The following SLC4A4 variants were observed in gnomAD, a reference collection of about 807,000 sequenced individuals.
SLC4A4 encodes the protein solute carrier family 4 member 4.
Under a neutral mutation model 111.5 loss-of-function variants are expected in SLC4A4, and 27 were observed. The observed-to-expected ratio is 0.24, with a 90% CI of 0.18 to 0.33. SLC4A4 has a LOEUF of 0.33. SLC4A4 is among the 10% of genes least tolerant of loss of function. The pLI is 1.00. For missense variants in SLC4A4, 909 were observed against 1,315.5 expected (o/e 0.69, Z 4.78); for synonymous variants, 443 against 463.4 (o/e 0.96, Z 0.57).
chr4:71,268,964 A>G (rs904143171), intron 3 of SLC4A4, among the ~76,000 whole-genome samples: 2 of 152,240 alleles, frequency 1.3e-5, no homozygotes, highest in East Asian at 1.9e-4. Flanking sequence ...CCTTGATGCA[A>G]TCAGAACAAA....
chr4:71,310,036 T>A (rs1253967509), intron 3 of SLC4A4, among the ~76,000 whole-genome samples: 1 of 151,772 alleles, frequency 6.6e-6, no homozygotes, highest in Non-Finnish European at 1.5e-5. Flanking sequence ...TCGTGAAGCA[T>A]ATACAAGTAT....
At chr4:71,127,431 A>C (rs1040439419) in intron 2 of SLC4A4, among the ~76,000 whole-genome samples, 15 of 152,212 alleles carry the variant, frequency 9.9e-5, no homozygotes, top group African/African-American at 3.6e-4. Flanking sequence ...TTCCTTATTT[A>C]AAAGTGAACA....
At chr4:71,274,544 G>A (rs561241929) in intron 3 of SLC4A4, among the ~76,000 whole-genome samples, 12 of 152,220 alleles carry the variant, frequency 7.9e-5, no homozygotes, top group Non-Finnish European at 1.5e-4. Context: ...TAATTCAGTT[G>A]TCAGAAGTGC....
intron 2 of SLC4A4, among the ~76,000 whole-genome samples, chr4:71,093,886 T>C (rs1337822441): frequency 5.9e-5 from 9 of 152,168 alleles, no homozygotes; most frequent in Admixed American, 5.9e-4. Flanking sequence ...TGAGACACCA[T>C]TTGGGATTGT....
At chr4:71,181,154 G>GA (rs1745278955) in intron 2 of SLC4A4, among the ~76,000 whole-genome samples, 2 of 142,018 alleles carry the variant, frequency 1.4e-5, no homozygotes, top group South Asian at 4.4e-4. Context: ...TCATAGGTGG[G>GA]AATTGAACAA....
intron 14 of SLC4A4, among the ~76,000 whole-genome samples, chr4:71,478,273 A>G (rs1384078595): frequency 6.6e-6 from 1 of 151,964 alleles, no homozygotes; most frequent in African/African-American, 2.4e-5. Flanking sequence ...ATATACCCAA[A>G]GGATTATAAA....
chr4:71,474,714 A>G (rs5001313), intron 14 of SLC4A4, among the ~76,000 whole-genome samples: 20,276 of 151,844 alleles, frequency 0.13, 1,592 homozygotes, highest in African/African-American at 0.22. Flanking sequence ...TTTAAAAGCA[A>G]TGCAGAAAGT....
rs1261195456 is a variant in SLC4A4, at chr4:71,534,233, A to C, written c.2287A>C (p.Ser763Arg). ...LIVPSEFKPT[S>R]PNRGWFVPPF... ...GTCATCTGTCTTTTTCAAGCCAACA[A>C]GTCCAAACCGAGGTTGGTTCGTTCC... Residue 763 changes from serine to arginine, a missense_variant, in exon 18 of 26, where the codon AGT becomes CGT. Ser to Arg is a moderately radical substitution (Grantham distance 110). This residue lies in a region of SLC4A4 where 264 missense variants were observed against 356.8 expected (regional missense o/e 0.74). Coordinates refer to ENST00000264485, the MANE Select transcript of SLC4A4 (RefSeq NM_001098484.3). 4 of 1,613,518 alleles carry C rather than the reference A, an allele frequency of 2.5e-6. No homozygotes were observed. Among genetic ancestry groups the C allele is most frequent in the African/African-American group, 1.3e-5 (1 of 74,912 alleles).
At chr4:71,163,014 A>G (rs1744650701) in intron 2 of SLC4A4, among the ~76,000 whole-genome samples, 1 of 152,238 alleles carries the variant, frequency 6.6e-6, no homozygotes, top group South Asian at 2.1e-4. Context: ...GGAGCTAGAA[A>G]TCAGAATCAT....
intron 16 of SLC4A4, among the ~76,000 whole-genome samples, chr4:71,530,200 C>T (rs1262906991): frequency 3.3e-5 from 5 of 152,042 alleles, no homozygotes; most frequent in African/African-American, 1.2e-4. Context: ...GACAGTAGAT[C>T]ATTTAGTTAT....
At chr4:71,452,125 T>A (rs1725823737) in intron 11 of SLC4A4, among the ~76,000 whole-genome samples, 1 of 152,074 alleles carries the variant, frequency 6.6e-6, no homozygotes, top group South Asian at 2.1e-4. Flanking sequence ...AAAAGGTATG[T>A]CATTATAATA....
In SLC4A4 at chr4:71,532,136, C is replaced by T. The variant is rs145593845; in HGVS notation, c.2241C>T (p.Gly747=). Residue 747 remains glycine, a synonymous_variant, in exon 17 of 26, where the codon GGC becomes GGT. Transcript: ENST00000264485. ...TTTGTGTAATAGATGCCCTAGTAGG[C>T]GTGGACACCCCAAAACTAATTGTGC... ...LIFCVIDALV[G]VDTPKLIVPS... is the part of the protein sequence containing the mutation. The T allele has an allele frequency of 2.0e-5, 33 of 1,612,140 alleles. No individual in the cohort carries two copies. The highest frequency in any genetic ancestry group is 6.7e-5 in the Admixed American group (4 of 59,912).
intron 3 of SLC4A4, among the ~76,000 whole-genome samples, chr4:71,262,417 G>T (rs1241262666): frequency 6.6e-6 from 1 of 152,144 alleles, no homozygotes; most frequent in Non-Finnish European, 1.5e-5. Flanking sequence ...CTTTCCCATG[G>T]ATAGGAGTCT....
At chr4:71,248,918 C>T (rs1206615046) in intron 2 of SLC4A4, among the ~76,000 whole-genome samples, 1 of 152,156 alleles carries the variant, frequency 6.6e-6, no homozygotes, top group African/African-American at 2.4e-5. Context: ...AGCTAAAGGA[C>T]AGGAGTCTAG....
intron 3 of SLC4A4, among the ~76,000 whole-genome samples, chr4:71,282,485 G>A (rs537498689): frequency 1.1e-4 from 16 of 151,682 alleles, no homozygotes; most frequent in Non-Finnish European, 8.8e-5. Context: ...GGGTTTCTCC[G>A]TGTTGGTCAG....
chr4:71,280,562 G>A (rs976125376), intron 3 of SLC4A4, among the ~76,000 whole-genome samples: 2 of 152,138 alleles, frequency 1.3e-5, no homozygotes, highest in Non-Finnish European at 2.9e-5. Context: ...AGTTAATCTT[G>A]TGAGTGGTAT....
intron 16 of SLC4A4, among the ~76,000 whole-genome samples, chr4:71,528,842 A>G (rs1733674076): frequency 6.6e-6 from 1 of 151,996 alleles, no homozygotes; most frequent in Non-Finnish European, 1.5e-5. Flanking sequence ...TATGTGAAAA[A>G]TTCTGTATGT....
chr4:71,128,757 G>A (rs1743624383), intron 2 of SLC4A4, among the ~76,000 whole-genome samples: 2 of 152,092 alleles, frequency 1.3e-5, no homozygotes, highest in South Asian at 4.1e-4. Context: ...CCAAAGTTCT[G>A]GGATTACAGG....
At position 71,108,298 on chromosome 4, in the gene SLC4A4, C is replaced by T. The variant is rs554134046; in HGVS notation, c.-2+15506C>T. On this transcript the variant is annotated intron_variant, in intron 2 of 26. Coordinates refer to the SLC4A4 transcript ENST00000649996. The stretch of plus-strand genomic sequence containing the variant: ...CTGTCTAATGTTCTTTCATTTCAAC[C>T]TAGAGGACTCCCTTGACCATTCTTG... Among the ~76,000 whole-genome samples the T allele has an allele frequency of 1.3e-5, 2 of 152,274 alleles. 1 individual carries two copies. The highest frequency in any genetic ancestry group is 6.8e-3 in the Middle Eastern group (2 of 294).
Sources: gnomAD v4.1 joint callset for allele counts (sites outside exome capture counted in the v4.1 genomes callset) on GRCh38, gnomAD v4.1.1 for gene constraint, gnomAD v4.1.1 regional missense constraint, MANE v1.5 for transcripts, NCBI Gene and HGNC (gene_info 2026-07-23, HGNC 2026-07-21) for gene names.